The following CTNNA3 variants were observed in gnomAD, a reference collection of about 807,000 sequenced individuals.
CTNNA3 encodes the protein catenin alpha 3, also known as catenin alpha-3.
Under a neutral mutation model 95.7 loss-of-function variants are expected in CTNNA3, and 76 were observed. The ratio of observed to expected loss-of-function variants is 0.79; its 90% CI spans 0.66 to 0.96. The LOEUF (loss-of-function observed/expected upper bound fraction) is 0.96, where lower values mean the gene tolerates loss of function less well. Among genes scored for constraint, CTNNA3 ranks in the 40% least tolerant of loss-of-function variants. CTNNA3 has a pLI of 0.00. For synonymous variants in CTNNA3, 431 were observed against 374.4 expected (o/e 1.15, Z -1.74); for missense variants, 1,191 against 1,089.8 (o/e 1.09, Z -1.31).
chr10:65,972,903 GGAA>G (rs1172665046), intron 16 of CTNNA3, among the ~76,000 whole-genome samples: 2 of 21,962 alleles, frequency 9.1e-5, no homozygotes, highest in South Asian at 3.7e-3. Context: ...ATCCTAAGGG[GGAA>G]AAAAAAAAAA....
intron 7 of CTNNA3, among the ~76,000 whole-genome samples, chr10:66,978,552 A>AAAAAAAAAAAAAAAATATATATAT: frequency 5.3e-5 from 2 of 37,864 alleles, no homozygotes; most frequent in Non-Finnish European, 9.7e-5. Flanking sequence ...AAAAAAAAAA[A>AAAAAAAAAAAAAAAATATATATAT]ATATATATAT....
intron 9 of CTNNA3, among the ~76,000 whole-genome samples, chr10:66,753,268 T>A (rs1300302521): frequency 6.6e-6 from 1 of 152,200 alleles, no homozygotes; most frequent in African/African-American, 2.4e-5. Context: ...TGTTAGCCTT[T>A]GGAGGATGCT....
intron 7 of CTNNA3, among the ~76,000 whole-genome samples, chr10:67,125,909 A>G (rs996329187): frequency 6.6e-6 from 1 of 152,174 alleles, no homozygotes. Context: ...TGGCTATTGA[A>G]CTTACTGAGA....
At chr10:66,710,285 G>A (rs1474556350) in intron 9 of CTNNA3, among the ~76,000 whole-genome samples, 3 of 152,040 alleles carry the variant, frequency 2.0e-5, no homozygotes, top group Non-Finnish European at 4.4e-5. Context: ...TTCTATAAGG[G>A]CAATCACATG....
intron 1 of CTNNA3, among the ~76,000 whole-genome samples, chr10:67,702,682 T>G (rs1841050913): frequency 6.6e-6 from 1 of 151,950 alleles, no homozygotes. Context: ...CAGGAAACAT[T>G]CAAAATTGAC....
At chr10:66,614,078 TG>T (rs1844424187) in intron 10 of CTNNA3, among the ~76,000 whole-genome samples, 1 of 152,098 alleles carries the variant, frequency 6.6e-6, no homozygotes, top group Non-Finnish European at 1.5e-5. Flanking sequence ...CTTACTGAAG[TG>T]TGTGCTAAAT....
intron 5 of CTNNA3, among the ~76,000 whole-genome samples, chr10:67,261,615 A>C (rs970792881): frequency 1.3e-5 from 2 of 152,222 alleles, no homozygotes; most frequent in Non-Finnish European, 2.9e-5. Flanking sequence ...AGATTTATGA[A>C]TATAGAGCAA....
At chr10:66,870,862 G>A (rs949070670) in intron 7 of CTNNA3, among the ~76,000 whole-genome samples, 6 of 152,072 alleles carry the variant, frequency 3.9e-5, no homozygotes, top group Admixed American at 2.6e-4. Flanking sequence ...CAACAACAAA[G>A]TCAGAAGTGC....
intron 7 of CTNNA3, among the ~76,000 whole-genome samples, chr10:67,143,558 T>C (rs1389098073): frequency 6.6e-6 from 1 of 152,152 alleles, no homozygotes. Flanking sequence ...ACTAAGTTTA[T>C]GGAATATTCT....
At chr10:66,751,389 T>A (rs886177754) in intron 9 of CTNNA3, among the ~76,000 whole-genome samples, 4 of 152,236 alleles carry the variant, frequency 2.6e-5, no homozygotes, top group Non-Finnish European at 4.4e-5. Context: ...CAGAAAGAGT[T>A]TTTTAGTCAA....
intron 1 of CTNNA3, among the ~76,000 whole-genome samples, chr10:67,657,290 A>G (rs1840052025): frequency 6.6e-6 from 1 of 152,234 alleles, no homozygotes; most frequent in Non-Finnish European, 1.5e-5. Flanking sequence ...TTAACATCAA[A>G]GTGAAGATGT....
intron 12 of CTNNA3, among the ~76,000 whole-genome samples, chr10:66,341,998 GA>G: frequency 6.6e-6 from 1 of 151,578 alleles, no homozygotes; most frequent in African/African-American, 2.4e-5. Flanking sequence ...TATAATTTTT[GA>G]AAAATTATTT....
chr10:67,625,909 G>A (rs7920028), intron 2 of CTNNA3, among the ~76,000 whole-genome samples: 20,183 of 152,150 alleles, frequency 0.13, 2,400 homozygotes, highest in African/African-American at 0.32. Flanking sequence ...TGAGGGTCAG[G>A]CACGGTGGCT....
chr10:66,935,651 T>C (rs1196759255), intron 7 of CTNNA3, among the ~76,000 whole-genome samples: 1 of 152,042 alleles, frequency 6.6e-6, no homozygotes. Context: ...TATATTTTCC[T>C]ATTAGGTGAA....
chr10:66,208,310 A>T (rs2087898401), intron 13 of CTNNA3, among the ~76,000 whole-genome samples: 1 of 152,150 alleles, frequency 6.6e-6, no homozygotes, highest in Non-Finnish European at 1.5e-5. Flanking sequence ...CACTCCCTTT[A>T]CATATTAACA....
intron 7 of CTNNA3, among the ~76,000 whole-genome samples, chr10:66,862,630 C>G (rs2132415837): frequency 6.6e-6 from 1 of 152,128 alleles, no homozygotes; most frequent in South Asian, 2.1e-4. Flanking sequence ...AAATGAGAAG[C>G]AAGAAAGACA....
Position 66,489,599 on chromosome 10 carries a change from C to T in CTNNA3, c.1531+31018G>A, listed in dbSNP as rs141404684. On this transcript the variant is annotated intron_variant, in intron 11 of 17. Coordinates refer to ENST00000433211, the MANE Select transcript of CTNNA3 (RefSeq NM_013266.4). The stretch of plus-strand genomic sequence containing the variant: ...ACACACTTGTGCATGCACACACACA[C>T]GTGCACACACACACAAACACACACA... 2.9e-3 allele frequency among the ~76,000 whole-genome samples: 448 copies of T among 152,240 alleles called. 2 individuals carry two copies. The highest frequency in any genetic ancestry group is 9.8e-3 in the African/African-American group (405 of 41,534).
At chr10:66,521,890 C>CT (rs1190179408) in intron 10 of CTNNA3, among the ~76,000 whole-genome samples, 2 of 152,158 alleles carry the variant, frequency 1.3e-5, no homozygotes, top group South Asian at 4.1e-4. Context: ...CTTGGTCCCA[C>CT]TTATTTAAAA....
At chr10:66,299,191 T>C (rs1190670724) in intron 12 of CTNNA3, among the ~76,000 whole-genome samples, 1 of 152,096 alleles carries the variant, frequency 6.6e-6, no homozygotes, top group African/African-American at 2.4e-5. Flanking sequence ...CTAAAATATA[T>C]AAAACCAACC....
Sources: allele counts gnomAD v4.1 joint callset (sites outside exome capture counted in the v4.1 genomes callset), GRCh38; gene constraint gnomAD v4.1.1; transcripts MANE v1.5; gene names NCBI Gene and HGNC (gene_info 2026-07-23, HGNC 2026-07-21).